The following ATRNL1 variants were observed in gnomAD, a reference collection of about 807,000 sequenced individuals.
ATRNL1 encodes attractin-like protein 1.
A neutral mutation model predicts 182.7 loss-of-function variants in ATRNL1; 95 were observed. The ratio of observed to expected loss-of-function variants is 0.52; its 90% CI spans 0.44 to 0.62. The LOEUF (loss-of-function observed/expected upper bound fraction) is 0.62, where lower values mean the gene tolerates loss of function less well. Ranked by LOEUF, ATRNL1 falls within the 20% of genes least tolerant of loss-of-function variation. ATRNL1 has a pLI of 0.00. For synonymous variants in ATRNL1, 576 were observed against 568.3 expected (o/e 1.01, Z -0.19); for missense variants, 1,471 against 1,679.5 (o/e 0.88, Z 2.17).
At chr10:115,528,817 G>GT (rs1485782485) in intron 25 of ATRNL1, among the ~76,000 whole-genome samples, 1 of 151,874 alleles carries the variant, frequency 6.6e-6, no homozygotes, top group African/African-American at 2.4e-5. Context: ...GGTATGTTGT[G>GT]TTTTAATTTT....
chr10:115,801,514 C>G lies in ATRNL1; in HGVS notation c.3904-46363C>G, dbSNP rs559011138. ...AATAAAAATATTGGGGTATTATTAT[C>G]TTTGAAATGCAGATTATGTGGTTAA... On this transcript the variant is annotated intron_variant, in intron 27 of 28. Coordinates refer to ENST00000355044, the MANE Select transcript of ATRNL1 (RefSeq NM_207303.4). Among the ~76,000 whole-genome samples, 27 of 152,274 alleles carry G rather than the reference C, an allele frequency of 1.8e-4. No homozygotes were observed. The South Asian group carries it at 4.1e-3, about 23-fold the overall frequency.
intron 21 of ATRNL1, among the ~76,000 whole-genome samples, chr10:115,430,940 A>C (rs1267147041): frequency 6.6e-6 from 1 of 152,164 alleles, no homozygotes; most frequent in Non-Finnish European, 1.5e-5. Context: ...TAGGTTGAGA[A>C]ATCCTGATTT....
chr10:115,248,923 T>C (rs1362563997), intron 10 of ATRNL1, among the ~76,000 whole-genome samples: 1 of 152,184 alleles, frequency 6.6e-6, no homozygotes, highest in African/African-American at 2.4e-5. Context: ...GCCTTGTACA[T>C]ACAACCTATG....
intron 17 of ATRNL1, among the ~76,000 whole-genome samples, chr10:115,307,548 T>C (rs557130803): frequency 1.3e-5 from 2 of 152,218 alleles, no homozygotes; most frequent in South Asian, 4.2e-4. Context: ...AGGTGTGAGC[T>C]ACTGCGCCCG....
intron 26 of ATRNL1, among the ~76,000 whole-genome samples, chr10:115,555,129 C>A (rs1853235753): frequency 6.6e-6 from 1 of 151,672 alleles, no homozygotes; most frequent in Non-Finnish European, 1.5e-5. Flanking sequence ...ACCCTATTTT[C>A]AACACAAATG....
chr10:115,250,759 C>T (rs1349589253), intron 10 of ATRNL1, among the ~76,000 whole-genome samples: 1 of 152,192 alleles, frequency 6.6e-6, no homozygotes, highest in Non-Finnish European at 1.5e-5. Context: ...ATCAAAGTCT[C>T]TGAATCTTTG....
chr10:115,507,550 T>C (rs1554981604), intron 24 of ATRNL1, among the ~76,000 whole-genome samples: 1 of 152,056 alleles, frequency 6.6e-6, no homozygotes. Flanking sequence ...AATGCACTGA[T>C]TTTCATTTCA....
chr10:115,320,335 T>A (rs1854519447), intron 18 of ATRNL1, among the ~76,000 whole-genome samples: 1 of 152,168 alleles, frequency 6.6e-6, no homozygotes, highest in Non-Finnish European at 1.5e-5. Context: ...ATTTTTGCCT[T>A]CATTTCGCCC....
At chr10:115,603,403 T>A (rs898368734) in intron 26 of ATRNL1, among the ~76,000 whole-genome samples, 2 of 152,012 alleles carry the variant, frequency 1.3e-5, no homozygotes, top group Admixed American at 1.3e-4. Context: ...ATTATAAGGG[T>A]TTTAGAAACT....
At chr10:115,447,633 T>C (rs562109122) in intron 21 of ATRNL1, among the ~76,000 whole-genome samples, 17 of 152,100 alleles carry the variant, frequency 1.1e-4, no homozygotes, top group Non-Finnish European at 2.4e-4. Flanking sequence ...ATTTTAGTTA[T>C]GTAGAATATT....
At chr10:115,549,597 T>G (rs1169518925) in intron 26 of ATRNL1, 61 bp downstream of exon 26, 2 of 1,138,144 alleles carry the variant, frequency 1.8e-6, no homozygotes, top group Non-Finnish European at 2.5e-6. Flanking sequence ...GGATCTCTAT[T>G]GTCTGTTAAT....
chr10:115,171,508 T>C (rs1169868462), intron 8 of ATRNL1: 1 of 392,678 alleles, frequency 2.5e-6, no homozygotes, highest in Non-Finnish European at 4.5e-6. Context: ...GAAATATTAC[T>C]TAATAGTCTC....
At chr10:115,211,383 G>T (rs950855592) in intron 8 of ATRNL1, among the ~76,000 whole-genome samples, 2 of 151,518 alleles carry the variant, frequency 1.3e-5, no homozygotes, top group South Asian at 2.1e-4. Flanking sequence ...GGACCTCCAT[G>T]GTTTCAGATG....
At chr10:115,936,239 T>C (rs1182605983) in intron 28 of ATRNL1, among the ~76,000 whole-genome samples, 1 of 152,200 alleles carries the variant, frequency 6.6e-6, no homozygotes, top group Non-Finnish European at 1.5e-5. Flanking sequence ...GACTGACATT[T>C]TTGAACTCTT....
At chr10:115,818,792 C>A (rs1165048259) in intron 27 of ATRNL1, among the ~76,000 whole-genome samples, 1 of 152,110 alleles carries the variant, frequency 6.6e-6, no homozygotes, top group East Asian at 1.9e-4. Flanking sequence ...GCCAGTTCCT[C>A]CTTCACTAAG....
chr10:115,875,929 A>G (rs1353448359), intron 28 of ATRNL1, among the ~76,000 whole-genome samples: 1 of 152,204 alleles, frequency 6.6e-6, no homozygotes, highest in African/African-American at 2.4e-5. Context: ...ACTTTGAAGG[A>G]TGACTGGGAA....
chr10:115,552,405 A>G (rs1217212245), intron 26 of ATRNL1, among the ~76,000 whole-genome samples: 1 of 151,386 alleles, frequency 6.6e-6, no homozygotes, highest in Non-Finnish European at 1.5e-5. Context: ...CTCAGAGGAC[A>G]CCTTTGATTA....
At chr10:115,111,477 G>T (rs557882530) in intron 1 of ATRNL1, among the ~76,000 whole-genome samples, 1 of 152,164 alleles carries the variant, frequency 6.6e-6, no homozygotes, top group Non-Finnish European at 1.5e-5. Context: ...CTCAGGCTGC[G>T]TCTACTCATG....
intron 5 of ATRNL1, among the ~76,000 whole-genome samples, chr10:115,151,657 A>C (rs1318457503): frequency 1.3e-5 from 2 of 152,074 alleles, no homozygotes; most frequent in Non-Finnish European, 2.9e-5. Context: ...ACTTTCTCCC[A>C]TTCTGTAGGT....
Sources: allele counts gnomAD v4.1 joint callset (sites outside exome capture counted in the v4.1 genomes callset), GRCh38; gene constraint gnomAD v4.1.1; transcripts MANE v1.5; gene names NCBI Gene and HGNC (gene_info 2026-07-23, HGNC 2026-07-21).